Variants in FBLN5 observed in about 807,000 individuals in gnomAD.
FBLN5 encodes the protein fibulin-5.
Under a neutral mutation model 61.6 loss-of-function variants are expected in FBLN5, and 24 were observed. That is an observed-to-expected ratio of 0.39 (90% CI 0.28 to 0.55). The LOEUF (loss-of-function observed/expected upper bound fraction) is 0.55, where lower values mean the gene tolerates loss of function less well. FBLN5 is among the 20% of genes least tolerant of loss of function. The pLI, the probability that FBLN5 is intolerant of heterozygous loss-of-function variation, is 0.65. For synonymous variants in FBLN5, 213 were observed against 219.8 expected, an observed-to-expected ratio of 0.97 and a Z score of 0.27; for missense variants, 470 against 594.1, an observed-to-expected ratio of 0.79 and a Z score of 2.17.
chr14:91,928,791 G>A (rs571585391), intron 4 of FBLN5, among the ~76,000 whole-genome samples: 1 of 152,096 alleles, frequency 6.6e-6, no homozygotes, highest in South Asian at 2.1e-4. Context: ...GGGCGCAGTG[G>A]CTCACACCTG....
chr14:91,921,529 G>A (rs191242293), intron 4 of FBLN5, among the ~76,000 whole-genome samples: 122 of 152,262 alleles, frequency 8.0e-4, no homozygotes, highest in Non-Finnish European at 1.2e-3. Flanking sequence ...GGCCAGCAGC[G>A]TCAGCATCAC....
chr14:91,899,641 T>G (rs546239452), intron 4 of FBLN5, among the ~76,000 whole-genome samples: 1 of 152,306 alleles, frequency 6.6e-6, no homozygotes, highest in East Asian at 1.9e-4. Flanking sequence ...AAGGAGGCCA[T>G]AGACAGAAAG....
chr14:91,912,181 C>T (rs777061052), intron 4 of FBLN5, among the ~76,000 whole-genome samples: 115 of 152,178 alleles, frequency 7.6e-4, no homozygotes, highest in Non-Finnish European at 1.8e-4. Flanking sequence ...TCTTTCAAGA[C>T]TTTTTAAGTA....
rs182435130 is a variant in FBLN5, at chr14:91,869,576, C to T, written c.*648G>A. On this transcript the variant is annotated 3_prime_UTR_variant, in exon 11 of 11. Coordinates refer to ENST00000342058, the MANE Select transcript of FBLN5 (RefSeq NM_006329.4). The stretch of plus-strand genomic sequence containing the variant: ...ACATAGCATGTGTCTGAAGGCCTTT[C>T]GAAGGAATTCTACGACATATTTTTT... The T allele has an allele frequency of 1.4e-3, 211 of 154,584 alleles. 1 individual carries two copies. Among genetic ancestry groups the T allele is most frequent in the Non-Finnish European group, 2.2e-3 (155 of 69,588 alleles). The allele number at this position is 154,584 out of a possible 1,614,324, so 9.6% of individuals were successfully genotyped here.
chr14:91,879,682 C>G (rs1453786561), intron 9 of FBLN5, among the ~76,000 whole-genome samples: 1 of 152,218 alleles, frequency 6.6e-6, no homozygotes, highest in Non-Finnish European at 1.5e-5. Context: ...GAGCCCTGTT[C>G]TAAAGGGTTG....
intron 2 of FBLN5, among the ~76,000 whole-genome samples, chr14:91,941,753 T>A (rs1346674748): frequency 6.8e-6 from 1 of 146,188 alleles, no homozygotes; most frequent in Non-Finnish European, 1.5e-5. Context: ...GTAACTTTTC[T>A]ATGCCTCAGT....
At position 91,869,824 on chromosome 14, in the gene FBLN5, G is replaced by T; in HGVS notation, c.*400C>A. 1 of 315,660 alleles carries T rather than the reference G, an allele frequency of 3.2e-6. No homozygotes were observed. 19.6% of individuals were successfully genotyped at this position (315,660 alleles called of 1,614,324 possible). A position where few individuals can be genotyped will look rare whatever the true frequency, so the allele number is the denominator to read the frequency against. On this transcript the variant is annotated 3_prime_UTR_variant, in exon 11 of 11. Coordinates refer to ENST00000342058, the MANE Select transcript of FBLN5 (RefSeq NM_006329.4). The stretch of plus-strand genomic sequence containing the variant: ...CCAGCTCCCGGGTCTTTGCAAAGCA[G>T]TAACACAGTGAGAGAAGGAGTGGAA...
At chr14:91,877,138 T>C (rs989629352) in intron 10 of FBLN5, among the ~76,000 whole-genome samples, 1 of 152,192 alleles carries the variant, frequency 6.6e-6, no homozygotes, top group Admixed American at 6.5e-5. Flanking sequence ...CCCCCGTGCC[T>C]GGCCTGCATA....
At chr14:91,904,289 C>T (rs1356817544) in intron 4 of FBLN5, among the ~76,000 whole-genome samples, 1 of 152,212 alleles carries the variant, frequency 6.6e-6, no homozygotes, top group Non-Finnish European at 1.5e-5. Context: ...TCAGTTAAGC[C>T]ACCAGACACA....
Position 91,870,078 on chromosome 14 carries a change from G to A in FBLN5, c.*146C>T. 1 of 811,916 alleles carries A rather than the reference G, an allele frequency of 1.2e-6. No individual in the cohort carries two copies. 50.3% of individuals were successfully genotyped at this position (811,916 alleles called of 1,614,324 possible). A position where few individuals can be genotyped will look rare whatever the true frequency, so the allele number is the denominator to read the frequency against. On this transcript the variant is annotated 3_prime_UTR_variant, in exon 11 of 11. Coordinates refer to ENST00000342058, the MANE Select transcript of FBLN5 (RefSeq NM_006329.4). The stretch of plus-strand genomic sequence containing the variant: ...CAGGTCTGCAATAGTACAGGTGAGA[G>A]TCAGGAAGTCGGGGCTGACTCTTCG...
At chr14:91,924,815 G>A (rs2055800011) in intron 4 of FBLN5, among the ~76,000 whole-genome samples, 1 of 152,140 alleles carries the variant, frequency 6.6e-6, no homozygotes. Context: ...AGTCCACTCT[G>A]AGCTCTCAGT....
intron 4 of FBLN5, among the ~76,000 whole-genome samples, chr14:91,912,920 C>G (rs1891019181): frequency 6.6e-6 from 1 of 151,984 alleles, no homozygotes; most frequent in Non-Finnish European, 1.5e-5. Flanking sequence ...ATGTACTCAT[C>G]AAAATAAGAG....
chr14:91,896,104 T>C (rs1400200433), intron 4 of FBLN5, among the ~76,000 whole-genome samples: 1 of 152,200 alleles, frequency 6.6e-6, no homozygotes, highest in East Asian at 1.9e-4. Flanking sequence ...CCATCTGGTG[T>C]GGACAGTCAG....
chr14:91,910,450 A>G (rs939817396), intron 4 of FBLN5, among the ~76,000 whole-genome samples: 1 of 152,242 alleles, frequency 6.6e-6, no homozygotes, highest in African/African-American at 2.4e-5. Context: ...CGGCACAACA[A>G]TGTAAATACA....
In FBLN5 at chr14:91,877,492, T is replaced by C; in HGVS notation, c.1180A>G (p.Met394Val). ...KSGNEGREFY[M>V]RQTGPISATL... ...CACTCCCCACTCCCTCTTACCCGCA[T>C]GTAAAATTCTCTGCCCTCATTCCCA... is the stretch of plus-strand genomic sequence containing the variant. The change falls in exon 10 of 11, where the codon ATG (methionine) becomes GTG (valine). Residue 394 changes from methionine (M) to valine (V), a missense_variant. Met to Val is a conservative substitution (Grantham distance 21, BLOSUM62 1). Coordinates refer to ENST00000342058, the MANE Select transcript of FBLN5 (RefSeq NM_006329.4). 6.2e-7 allele frequency: 1 copy of C among 1,613,282 alleles called. No homozygotes were observed. The highest frequency in any genetic ancestry group is 8.5e-7 in the Non-Finnish European group (1 of 1,179,276).
At position 91,936,865 on chromosome 14, in the gene FBLN5, C is replaced by T. The variant is rs545541080; in HGVS notation, c.379+82G>A. The T allele has an allele frequency of 5.5e-5, 84 of 1,524,546 alleles. No individual in the cohort carries two copies. In the Admixed American group the frequency reaches 1.4e-3, roughly 25 times the overall value. 94.4% of individuals were successfully genotyped at this position (1,524,546 alleles called of 1,614,324 possible). On this transcript the variant is annotated intron_variant, in intron 4 of 10. Transcript: ENST00000342058. ...TGGTGCATTGAATGGCAACTAACAA[C>T]CCATTTGTGGTGAGCATGCCAGATA... is the stretch of plus-strand genomic sequence containing the variant.
Position 91,870,731 on chromosome 14 carries a change from T to G in FBLN5, c.1186-346A>C, listed in dbSNP as rs192282626. 4.1e-3 allele frequency among the ~76,000 whole-genome samples: 620 copies of G among 152,370 alleles called. 5 individuals are homozygous for G. Among genetic ancestry groups the G allele is most frequent in the Non-Finnish European group, 3.6e-3 (243 of 68,036 alleles). On this transcript the variant is annotated intron_variant, in intron 10 of 10. Transcript: ENST00000342058. ...CTGTCTACCTGATCCGTGTCTGATA[T>G]CTAGGCTCCCACTAGGCTATGAGTT...
chr14:91,925,852 C>G (rs541406740), intron 4 of FBLN5, among the ~76,000 whole-genome samples: 1 of 152,308 alleles, frequency 6.6e-6, no homozygotes, highest in South Asian at 2.1e-4. Flanking sequence ...GACCATGGCC[C>G]CAGCCCACAA....
chr14:91,946,518 GCACACA>G (rs34059355), intron 1 of FBLN5, among the ~76,000 whole-genome samples: 2 of 149,560 alleles, frequency 1.3e-5, no homozygotes, highest in African/African-American at 2.5e-5. Flanking sequence ...TTAGTTTTCA[GCACACA>G]CACACACACA....
Sources: gnomAD v4.1 joint callset for allele counts (sites outside exome capture counted in the v4.1 genomes callset) on GRCh38, gnomAD v4.1.1 for gene constraint, MANE v1.5 for transcripts, NCBI Gene and HGNC (gene_info 2026-07-23, HGNC 2026-07-21) for gene names.